CFAP300: variants seen among roughly 807,000 people sequenced by gnomAD.
CFAP300 encodes the protein cilia and flagella associated protein 300.
A neutral mutation model predicts 33.0 loss-of-function variants in CFAP300; 32 were observed. That is an observed-to-expected ratio of 0.97 (90% CI 0.73 to 1.30). CFAP300 has a LOEUF of 1.30. Ranked by LOEUF, CFAP300 falls within the 50% of genes most tolerant of loss-of-function variation. The probability of loss-of-function intolerance (pLI) is 0.00; values close to 1 mark genes in which losing one functional copy is unlikely to be tolerated. For missense variants in CFAP300, 356 were observed against 318.1 expected (o/e 1.12, Z -0.90); for synonymous variants, 102 against 106.8 (o/e 0.95, Z 0.28).
chr11:102,079,357 A>G (rs896606619), intron 5 of CFAP300, among the ~76,000 whole-genome samples: 1 of 152,248 alleles, frequency 6.6e-6, no homozygotes. Flanking sequence ...CAAAATCTTA[A>G]AAGTAGTATT....
At chr11:102,069,968 T>C (rs1234635583) in intron 4 of CFAP300, among the ~76,000 whole-genome samples, 1 of 152,126 alleles carries the variant, frequency 6.6e-6, no homozygotes, top group Non-Finnish European at 1.5e-5. Flanking sequence ...CCCTGTCTCC[T>C]CCACCCCCCA....
chr11:102,049,030 A>C (rs1941929492), intron 2 of CFAP300, among the ~76,000 whole-genome samples: 1 of 152,252 alleles, frequency 6.6e-6, no homozygotes, highest in Non-Finnish European at 1.5e-5. Context: ...GGGCCTTGGC[A>C]AGACTACAAT....
At chr11:102,069,420 G>A (rs1413608263) in intron 4 of CFAP300, among the ~76,000 whole-genome samples, 3 of 152,118 alleles carry the variant, frequency 2.0e-5, no homozygotes, top group African/African-American at 7.2e-5. Flanking sequence ...GAAGAGATCT[G>A]TATGTGAATG....
Position 102,076,019 on chromosome 11 carries a change from A to C in CFAP300, c.582A>C (p.Thr194=). 1 of 1,612,704 alleles carries C rather than the reference A, an allele frequency of 6.2e-7. No homozygotes were observed. The highest frequency in any genetic ancestry group is 8.5e-7 in the Non-Finnish European group (1 of 1,179,580). Residue 194 remains threonine (T), a synonymous_variant, in exon 5 of 7, where the codon ACA becomes ACC. Coordinates refer to ENST00000434758, the MANE Select transcript of CFAP300 (RefSeq NM_032930.3). ...TGATTAGCCCATATCTGGAAACAAC[A>C]AAGCTTATCTATAAGGATCTGGTGA... ...EDVISPYLET[T]KLIYKDLVSV...
intron 4 of CFAP300, among the ~76,000 whole-genome samples, chr11:102,068,891 A>G (rs562739905): frequency 7.5e-4 from 114 of 152,280 alleles, no homozygotes; most frequent in Middle Eastern, 6.8e-3. Flanking sequence ...TAATCAGGAA[A>G]TGTTTGGTCT....
rs574458700 is a variant in CFAP300 at position 102,079,182 on chromosome 11, A to G, written c.609-2033A>G. ...ATGAATAAATCATAAATATACATAC[A>G]ATTTGGTGAATCTTTATGTATGTTT... On this transcript the variant is annotated intron_variant, in intron 5 of 6. Coordinates refer to ENST00000434758, the MANE Select transcript of CFAP300 (RefSeq NM_032930.3). 2.2e-3 allele frequency among the ~76,000 whole-genome samples: 341 copies of G among 152,326 alleles called. 1 individual carries two copies. Among genetic ancestry groups the G allele is most frequent in the Admixed American group, 5.3e-3 (81 of 15,300 alleles).
At chr11:102,051,118 C>T (rs2135011007) in intron 2 of CFAP300, among the ~76,000 whole-genome samples, 2 of 152,130 alleles carry the variant, frequency 1.3e-5, no homozygotes, top group African/African-American at 2.4e-5. Flanking sequence ...TTGGTTGACT[C>T]GAGTGGCTGA....
intron 3 of CFAP300, among the ~76,000 whole-genome samples, chr11:102,064,457 A>G (rs1942194718): frequency 6.6e-6 from 1 of 152,226 alleles, no homozygotes; most frequent in Non-Finnish European, 1.5e-5. Context: ...GAAGCTTCTT[A>G]GCAGCATAGC....
chr11:102,080,222 A>T (rs1462169432), intron 5 of CFAP300, among the ~76,000 whole-genome samples: 6 of 152,212 alleles, frequency 3.9e-5, no homozygotes, highest in Non-Finnish European at 8.8e-5. Flanking sequence ...ATATATATGT[A>T]ACAAATTATA....
At chr11:102,051,133 G>A (rs1374389851) in intron 2 of CFAP300, among the ~76,000 whole-genome samples, 1 of 152,186 alleles carries the variant, frequency 6.6e-6, no homozygotes, top group African/African-American at 2.4e-5. Flanking sequence ...GGCTGATGAT[G>A]TCATTAAATG....
rs538201508 is a variant in CFAP300, at chr11:102,081,220, G to A, written c.614G>A (p.Arg205Gln). ...CCTTTTCTTCCTTTTTTTAGTGTTC[G>A]AAAGAATCCTCAAACCAAGAAAATA... ...KLIYKDLVSV[R>Q]KNPQTKKIQI... The change falls in exon 6 of 7, where the codon CGA becomes CAA. Residue 205 changes from arginine (R) to glutamine (Q), a missense_variant. Transcript: ENST00000434758. 22 of 1,604,432 alleles carry A rather than the reference G, an allele frequency of 1.4e-5. No individual in the cohort carries two copies. The highest frequency in any genetic ancestry group is 3.3e-4 in the Middle Eastern group (2 of 6,026).
chr11:102,065,596 A>G (rs552854254), intron 3 of CFAP300, among the ~76,000 whole-genome samples: 2 of 151,874 alleles, frequency 1.3e-5, no homozygotes, highest in South Asian at 2.1e-4. Flanking sequence ...GAGAAACCCC[A>G]TCTCTACTAA....
intron 4 of CFAP300, among the ~76,000 whole-genome samples, chr11:102,073,146 G>A (rs1183301092): frequency 6.6e-6 from 1 of 152,188 alleles, no homozygotes; most frequent in East Asian, 1.9e-4. Context: ...GTTAGTGGTG[G>A]GCTGGGTGTG....
In CFAP300 at chr11:102,047,568, G is replaced by T. The variant is rs1030058401; in HGVS notation, c.98G>T (p.Arg33Leu). 7.8e-6 allele frequency: 12 copies of T among 1,535,970 alleles called. No homozygotes were observed. Among genetic ancestry groups the T allele is most frequent in the Non-Finnish European group, 1.0e-5 (12 of 1,146,752 alleles). The change falls in exon 1 of 7, where the codon CGG becomes CTG. Residue 33 changes from arginine to leucine, a missense_variant. Physicochemically the swap from Arg to Leu is moderately radical, Grantham distance 102. Transcript: ENST00000434758. ...CTGAGCTCTAAGGAGATCACCAGCC[G>T]GCTCCGCCAGTGGTGAGGAACCGAG... ...QSLSSKEITS[R>L]LRQWSMLGRI...
intron 4 of CFAP300, among the ~76,000 whole-genome samples, chr11:102,067,680 A>G (rs1458704644): frequency 6.6e-6 from 1 of 152,152 alleles, no homozygotes; most frequent in African/African-American, 2.4e-5. Context: ...ACCTTTTAGA[A>G]ATATCAAATG....
Position 102,075,989 on chromosome 11 carries a change from GGATGT to G in CFAP300, c.556_560del (p.Val186Ter). On this transcript the variant is annotated frameshift_variant, in exon 5 of 7. Transcript: ENST00000434758. LOFTEE classifies it high-confidence loss of function. ...TTGGTGGAGCCCTTTGTCAATATGA[GGATGT>G]GATTAGCCCATATCTGGAAACAACA... 6.2e-7 allele frequency: 1 copy of G among 1,613,840 alleles called. No homozygotes were observed. The highest frequency in any genetic ancestry group is 8.5e-7 in the Non-Finnish European group (1 of 1,179,896).
At position 102,076,095 on chromosome 11, in the gene CFAP300, T is replaced by A. The variant is rs571495259; in HGVS notation, c.608+50T>A. 8 of 1,542,434 alleles carry A rather than the reference T, an allele frequency of 5.2e-6. No homozygotes were observed. The South Asian group carries it at 9.1e-5, about 17-fold the overall frequency. On this transcript the variant is annotated intron_variant, in intron 5 of 6. Transcript: ENST00000434758. Reference sequence around the variant, plus strand: ...TAAATCTCTAGTTAATAGAATAAATTATTTGCTTAACCTTGATGGAATTAC... The same window carrying A: ...TAAATCTCTAGTTAATAGAATAAATAATTTGCTTAACCTTGATGGAATTAC...
intron 3 of CFAP300, among the ~76,000 whole-genome samples, chr11:102,065,307 T>C (rs1296122658): frequency 6.6e-6 from 1 of 151,974 alleles, no homozygotes; most frequent in African/African-American, 2.4e-5. Context: ...GGTCTCGAAC[T>C]CCTGGCCTGG....
chr11:102,056,595 T>TTCTG (rs1046811016), intron 2 of CFAP300, among the ~76,000 whole-genome samples: 1 of 151,858 alleles, frequency 6.6e-6, no homozygotes, highest in Non-Finnish European at 1.5e-5. Context: ...TTGTGGGGTT[T>TTCTG]TTTGTTTGTT....
Sources: allele counts gnomAD v4.1 joint callset (sites outside exome capture counted in the v4.1 genomes callset), GRCh38; gene constraint gnomAD v4.1.1; transcripts MANE v1.5; gene names NCBI Gene and HGNC (gene_info 2026-07-23, HGNC 2026-07-21).